The following MTOR variants were observed in gnomAD, a reference collection of about 807,000 sequenced individuals.
MTOR encodes mechanistic target of rapamycin kinase.
MTOR carries 70 observed loss-of-function variants against 319.8 expected under a neutral mutation model. The observed-to-expected ratio is 0.22, with a 90% CI of 0.18 to 0.27. The LOEUF is 0.27. Among genes scored for constraint, MTOR ranks in the 10% least tolerant of loss-of-function variants. MTOR has a pLI of 1.00. For synonymous variants in MTOR, 1,183 were observed against 1,211.4 expected (o/e 0.98, Z 0.49); for missense variants, 1,890 against 3,274.4 (o/e 0.58, Z 10.32).
At chr1:11,156,760 C>A (rs896959226) in intron 30 of MTOR, among the ~76,000 whole-genome samples, 3 of 152,142 alleles carry the variant, frequency 2.0e-5, no homozygotes, top group African/African-American at 7.2e-5. Context: ...ATAGGTGAAG[C>A]ACCTGAAGAG....
chr1:11,141,408 T>G (rs907453276), intron 34 of MTOR, among the ~76,000 whole-genome samples: 1 of 151,430 alleles, frequency 6.6e-6, no homozygotes, highest in Non-Finnish European at 1.5e-5. Context: ...CGTTCTTGTC[T>G]CCCAGGCTGG....
chr1:11,243,358 A>C, intron 8 of MTOR, 58 bp from the exon 9 acceptor site: 2 of 1,512,102 alleles, frequency 1.3e-6, no homozygotes, highest in Non-Finnish European at 1.8e-6. Context: ...TCTACATATC[A>C]ACAGTCAAAG....
intron 54 of MTOR, among the ~76,000 whole-genome samples, chr1:11,110,286 G>A (rs907103494): frequency 3.3e-5 from 5 of 152,196 alleles, no homozygotes; most frequent in African/African-American, 1.2e-4. Flanking sequence ...CAGGTGTTAG[G>A]TTCACCCTCC....
At chr1:11,174,210 G>A (rs1644913887) in intron 28 of MTOR, among the ~76,000 whole-genome samples, 1 of 152,098 alleles carries the variant, frequency 6.6e-6, no homozygotes. Flanking sequence ...GCAATGGGAG[G>A]GACAGGCGGT....
At chr1:11,189,945 G>C in intron 28 of MTOR, 1 of 1,609,034 alleles carries the variant, frequency 6.2e-7, no homozygotes, top group Non-Finnish European at 8.5e-7. Flanking sequence ...CGGTCACTCA[G>C]ACCTCCGCAG....
At position 11,118,228 on chromosome 1, in the gene MTOR, ATTTTTTTTT is replaced by A. The variant is rs771785403; in HGVS notation, c.6934-1151_6934-1143del. On this transcript the variant is annotated intron_variant, in intron 49 of 57. Transcript: ENST00000361445. ...ACGCCTTAAATTCCAAACTTAGTTAATTTTTTTTTTTTTTTTTTTTTTTTTTTGGACAGA... is the reference window on the plus strand; with the variant it reads ...ACGCCTTAAATTCCAAACTTAGTTAATTTTTTTTTTTTTTTTTTGGACAGA... 3.9e-3 allele frequency among the ~76,000 whole-genome samples: 471 copies of A among 120,754 alleles called. 4 individuals carry two copies. The highest frequency in any genetic ancestry group is 0.018 in the African/African-American group (444 of 25,178). 79.2% of individuals were successfully genotyped at this position (120,754 alleles called of 152,430 possible). A position where few individuals can be genotyped will look rare whatever the true frequency, so the allele number is the denominator to read the frequency against.
intron 19 of MTOR, among the ~76,000 whole-genome samples, chr1:11,226,569 T>C (rs1262279974): frequency 1.3e-5 from 2 of 152,150 alleles, no homozygotes; most frequent in Non-Finnish European, 2.9e-5. Flanking sequence ...GGTGGGCAGA[T>C]AGCTTGAGCC....
chr1:11,106,966 T>G lies in MTOR; in HGVS notation c.*519A>C. 1 of 1,370,674 alleles carries G rather than the reference T, an allele frequency of 7.3e-7. No homozygotes were observed. The highest frequency in any genetic ancestry group is 9.6e-7 in the Non-Finnish European group (1 of 1,038,786). 84.9% of individuals were successfully genotyped at this position (1,370,674 alleles called of 1,614,324 possible). ...CATTTTGGCCTATCTTGCAAACATT[T>G]CTGCTGCTGTCCACAGACCAGTGAG... On this transcript the variant is annotated 3_prime_UTR_variant, in exon 58 of 58. Coordinates refer to ENST00000361445, the MANE Select transcript of MTOR (RefSeq NM_004958.4).
intron 6 of MTOR, among the ~76,000 whole-genome samples, chr1:11,251,081 AAT>A (rs1304199341): frequency 6.6e-6 from 1 of 152,146 alleles, no homozygotes; most frequent in East Asian, 1.9e-4. Context: ...ATCCTTTTGA[AAT>A]ATGAGTTAAA....
intron 28 of MTOR, among the ~76,000 whole-genome samples, chr1:11,179,858 C>T (rs973198762): frequency 6.6e-6 from 1 of 152,206 alleles, no homozygotes; most frequent in African/African-American, 2.4e-5. Context: ...GACACAGATT[C>T]TTACAGGCAC....
chr1:11,261,297 C>T lies in MTOR; in HGVS notation c.-15+1148G>A, dbSNP rs1651095432. ...TGGCCAACACGGTGAAATCCCGCCT[C>T]TACTAAAAATACAAAAAAAAAAAAA... On this transcript the variant is annotated intron_variant, in intron 1 of 57. Transcript: ENST00000361445. Among the ~76,000 whole-genome samples, 4 of 148,754 alleles carry T rather than the reference C, an allele frequency of 2.7e-5. No homozygotes were observed. In the South Asian group the frequency reaches 8.5e-4, roughly 32 times the overall value.
chr1:11,189,581 T>C, intron 28 of MTOR: 1 of 1,595,428 alleles, frequency 6.3e-7, no homozygotes, highest in Non-Finnish European at 8.5e-7. Context: ...CCACAAAAGA[T>C]GCTGAAAAAG....
chr1:11,117,132 T>C, intron 49 of MTOR, 46 bp from the exon 50 acceptor site: 2 of 1,435,550 alleles, frequency 1.4e-6, no homozygotes, highest in Non-Finnish European at 1.9e-6. Flanking sequence ...GAAACTTTAA[T>C]TTCAACATAA....
At chr1:11,172,446 G>A (rs1644846629) in intron 28 of MTOR, among the ~76,000 whole-genome samples, 1 of 149,036 alleles carries the variant, frequency 6.7e-6, no homozygotes, top group African/African-American at 2.5e-5. Context: ...TATAGTCCTA[G>A]CTACACAGGA....
rs550874792 is a variant in MTOR at position 11,111,153 on chromosome 1, T to C, written c.7367-1424A>G. ...TTGCCTGAAACACCCTTTTCCTTTC[T>C]ACCCATCAGATTCCACCCATCCAAT... is the stretch of plus-strand genomic sequence containing the variant. On this transcript the variant is annotated intron_variant, in intron 54 of 57. Transcript: ENST00000361445. 6.6e-6 allele frequency: 3 copies of C among 455,930 alleles called. No homozygotes were observed. The East Asian group carries it at 2.1e-4, about 32-fold the overall frequency. 28.2% of individuals were successfully genotyped at this position (455,930 alleles called of 1,614,324 possible). A position where few individuals can be genotyped will look rare whatever the true frequency, so the allele number is the denominator to read the frequency against.
At chr1:11,116,960 A>G in intron 50 of MTOR, 44 bp downstream of exon 50, 1 of 1,433,550 alleles carries the variant, frequency 7.0e-7, no homozygotes, top group Non-Finnish European at 9.7e-7. Context: ...CAGGAAAACT[A>G]CAATGGAGAA....
intron 28 of MTOR, among the ~76,000 whole-genome samples, chr1:11,185,600 CACAAAACAAA>C (rs1645294348): frequency 6.6e-6 from 1 of 151,916 alleles, no homozygotes; most frequent in Non-Finnish European, 1.5e-5. Context: ...GAAACCCTGT[CACAAAACAAA>C]ACAGAACAAA....
intron 36 of MTOR, among the ~76,000 whole-genome samples, chr1:11,134,944 G>T (rs556486158): frequency 6.6e-6 from 1 of 152,292 alleles, no homozygotes; most frequent in African/African-American, 2.4e-5. Context: ...ACCCAAATAA[G>T]AACACAGATT....
chr1:11,185,614 G>A (rs571023512), intron 28 of MTOR, among the ~76,000 whole-genome samples: 1 of 151,980 alleles, frequency 6.6e-6, no homozygotes, highest in African/African-American at 2.4e-5. Flanking sequence ...AAACAAAACA[G>A]AACAAAACAA....
Sources: allele counts gnomAD v4.1 joint callset (sites outside exome capture counted in the v4.1 genomes callset), GRCh38; gene constraint gnomAD v4.1.1; transcripts MANE v1.5; gene names NCBI Gene and HGNC (gene_info 2026-07-23, HGNC 2026-07-21).